RBM6: variants seen among roughly 807,000 people sequenced by gnomAD.
RBM6 encodes RNA-binding protein 6.
A neutral mutation model predicts 140.4 loss-of-function variants in RBM6; 23 were observed. That is an observed-to-expected ratio of 0.16 (90% CI 0.12 to 0.23). The LOEUF is 0.23. Ranked by LOEUF, RBM6 falls within the 10% of genes least tolerant of loss-of-function variation. RBM6 has a pLI of 1.00. For synonymous variants in RBM6, 439 were observed against 475.6 expected (o/e 0.92, Z 1.00); for missense variants, 1,139 against 1,386.7 (o/e 0.82, Z 2.84).
rs183092563 is a variant in RBM6, at chr3:50,011,954, C to T, written c.1557+12441C>T. Among the ~76,000 whole-genome samples, 496 of 151,756 alleles carry T rather than the reference C, an allele frequency of 3.3e-3. 4 individuals carry two copies. Among genetic ancestry groups the T allele is most frequent in the African/African-American group, 0.012 (485 of 41,378 alleles). On this transcript the variant is annotated intron_variant, in intron 6 of 20. Transcript: ENST00000266022. Reference sequence around the variant, plus strand: ...GCAGCCTCCACCTCCCGGGCTCAAGCAATTCTCCCACCTCAACCTCCTGAG... The same window carrying T: ...GCAGCCTCCACCTCCCGGGCTCAAGTAATTCTCCCACCTCAACCTCCTGAG...
intron 5 of RBM6, among the ~76,000 whole-genome samples, chr3:49,994,694 G>T (rs2085995061): frequency 6.6e-6 from 1 of 151,492 alleles, no homozygotes; most frequent in Non-Finnish European, 1.5e-5. Flanking sequence ...GTGTGTGTGT[G>T]TTTTCCTCTC....
chr3:50,036,381 A>G (rs972999410), intron 6 of RBM6, among the ~76,000 whole-genome samples: 4 of 152,202 alleles, frequency 2.6e-5, no homozygotes, highest in Non-Finnish European at 5.9e-5. Context: ...GCTATGGGCT[A>G]TGCCTTTGTA....
chr3:50,067,677 T>C (rs2090164814), intron 17 of RBM6, among the ~76,000 whole-genome samples: 1 of 152,240 alleles, frequency 6.6e-6, no homozygotes, highest in Admixed American at 6.5e-5. Flanking sequence ...TATTCCCATT[T>C]ATATGAACTG....
At chr3:50,068,571 A>T in intron 17 of RBM6, 119 bp from the exon 18 acceptor site, 2 of 811,602 alleles carry the variant, frequency 2.5e-6, no homozygotes, top group South Asian at 1.8e-5. Context: ...GTGATCATTT[A>T]GTAGATCTGA....
rs1171884789 is a variant in RBM6 at position 49,999,436 on chromosome 3, C to A, written c.1484-4C>A. ...TCCCGTCTGTATTTAAATGCTGTCC[C>A]CAGGTTACGACTATGGCTATGTCTG... On this transcript the variant is annotated splice_polypyrimidine_tract_variant and splice_region_variant and intron_variant, in intron 5 of 20. Coordinates refer to ENST00000266022, the MANE Select transcript of RBM6 (RefSeq NM_005777.3). The A allele has an allele frequency of 1.9e-6, 3 of 1,612,602 alleles. No homozygotes were observed. The highest frequency in any genetic ancestry group is 2.5e-6 in the Non-Finnish European group (3 of 1,178,804).
At chr3:50,057,608 AAG>A in intron 8 of RBM6, 118 bp from the exon 9 acceptor site, 2 of 561,460 alleles carry the variant, frequency 3.6e-6, no homozygotes, top group South Asian at 2.5e-5. Context: ...AAAAAAAAAA[AAG>A]GCATTCCAGT....
At chr3:50,054,077 G>T in intron 7 of RBM6, 1 of 392,942 alleles carries the variant, frequency 2.5e-6, no homozygotes, top group Non-Finnish European at 4.6e-6. Context: ...TTTCCTATAG[G>T]AATCTTTATC....
At chr3:49,963,644 A>G (rs2084381291) in intron 2 of RBM6, among the ~76,000 whole-genome samples, 1 of 152,182 alleles carries the variant, frequency 6.6e-6, no homozygotes, top group South Asian at 2.1e-4. Flanking sequence ...AGAGTGGAGA[A>G]AGTGGTAGCA....
chr3:50,059,836 A>C, intron 11 of RBM6, 90 bp downstream of exon 11: 1 of 1,033,378 alleles, frequency 9.7e-7, no homozygotes, highest in African/African-American at 1.6e-5. Context: ...ACAGTAAAGC[A>C]TGATGTTTTC....
intron 6 of RBM6, among the ~76,000 whole-genome samples, chr3:50,011,340 G>C (rs2086840508): frequency 6.6e-6 from 1 of 152,152 alleles, no homozygotes; most frequent in Non-Finnish European, 1.5e-5. Flanking sequence ...CATTTGAACT[G>C]GTTATGTAGT....
chr3:49,949,063 T>C lies in RBM6; in HGVS notation c.-67+8838T>C, dbSNP rs551850259. Among the ~76,000 whole-genome samples, 20 of 151,292 alleles carry C rather than the reference T, an allele frequency of 1.3e-4. No individual in the cohort carries two copies. In the South Asian group the frequency reaches 1.7e-3, roughly 13 times the overall value. On this transcript the variant is annotated intron_variant, in intron 1 of 20. Coordinates refer to ENST00000266022, the MANE Select transcript of RBM6 (RefSeq NM_005777.3). ...CCAGGCTGGTCTCAAATTTCTGACC[T>C]TGTGATCCGCTGGCCTCAGCCTCCC...
Position 50,007,724 on chromosome 3 carries a change from G to A in RBM6, c.1557+8211G>A, listed in dbSNP as rs184393266. On this transcript the variant is annotated intron_variant, in intron 6 of 20. Transcript: ENST00000266022. ...ATTTTTTTGTATTTTTAGTAGAGAC[G>A]GGGTTTCACCATGTTAGCCAGGATG... Among the ~76,000 whole-genome samples the A allele has an allele frequency of 7.0e-3, 1,059 of 151,846 alleles. 15 individuals are homozygous for A. Among genetic ancestry groups the A allele is most frequent in the African/African-American group, 0.024 (1,008 of 41,380 alleles).
Position 50,059,754 on chromosome 3 carries a change from A to G in RBM6, c.2228+8A>G, listed in dbSNP as rs373492822. ...GGCCACTGGAAAACGAAGGTAAGGC[A>G]GAAGGGTGAGGATCTCTTGTGCTGC... On this transcript the variant is annotated splice_region_variant and intron_variant, in intron 11 of 20. Coordinates refer to ENST00000266022, the MANE Select transcript of RBM6 (RefSeq NM_005777.3). 6.2e-7 allele frequency: 1 copy of G among 1,609,342 alleles called. No individual in the cohort carries two copies. The highest frequency in any genetic ancestry group is 1.1e-5 in the South Asian group (1 of 90,684).
chr3:49,949,010 T>C (rs779798815), intron 1 of RBM6, among the ~76,000 whole-genome samples: 17 of 149,742 alleles, frequency 1.1e-4, no homozygotes, highest in Non-Finnish European at 2.4e-4. Flanking sequence ...CTTGTATTTT[T>C]AGTAGAGATG....
chr3:49,994,666 T>G (rs1477434953), intron 5 of RBM6, among the ~76,000 whole-genome samples: 1 of 110,370 alleles, frequency 9.1e-6, no homozygotes, highest in Non-Finnish European at 1.9e-5. Flanking sequence ...AAAAAGGCTG[T>G]GGGGTGTGTG....
At chr3:50,052,623 A>C (rs1430467376) in intron 7 of RBM6, among the ~76,000 whole-genome samples, 2 of 152,194 alleles carry the variant, frequency 1.3e-5, no homozygotes, top group African/African-American at 4.8e-5. Flanking sequence ...TTACCACAGC[A>C]GCTCTCCTGT....
At chr3:50,002,251 G>A (rs1219029458) in intron 6 of RBM6, among the ~76,000 whole-genome samples, 1 of 150,246 alleles carries the variant, frequency 6.7e-6, no homozygotes, top group African/African-American at 2.5e-5. Flanking sequence ...CCATGCTTGG[G>A]TAAATTTTTT....
chr3:50,024,676 G>A lies in RBM6; in HGVS notation c.1558-23569G>A, dbSNP rs138055955. On this transcript the variant is annotated intron_variant, in intron 6 of 20. Transcript: ENST00000266022. ...CGAATGAAAAAAACAGTTTTTGGCC[G>A]GGCACGATGGCTCACGCCTGTTATC... Among the ~76,000 whole-genome samples, 1,109 of 152,240 alleles carry A rather than the reference G, an allele frequency of 7.3e-3. 15 individuals are homozygous for A. The highest frequency in any genetic ancestry group is 0.025 in the African/African-American group (1,040 of 41,520).
chr3:50,068,884 G>C, intron 18 of RBM6, 120 bp downstream of exon 18: 1 of 836,510 alleles, frequency 1.2e-6, no homozygotes, highest in South Asian at 1.8e-5. Flanking sequence ...AGCCTCAAAA[G>C]ATAGTGCATA....
Sources: allele counts gnomAD v4.1 joint callset (sites outside exome capture counted in the v4.1 genomes callset), GRCh38; gene constraint gnomAD v4.1.1; transcripts MANE v1.5; gene names NCBI Gene and HGNC (gene_info 2026-07-23, HGNC 2026-07-21).